The following MSRA variants were observed in gnomAD, a reference collection of about 807,000 sequenced individuals.
MSRA encodes methionine sulfoxide reductase A.
MSRA carries 54 observed loss-of-function variants against 31.3 expected under a neutral mutation model. That is an observed-to-expected ratio of 1.73 (90% CI 1.39 to 2.17). The LOEUF (loss-of-function observed/expected upper bound fraction) is 2.17. Among genes scored for constraint, MSRA ranks in the 30% most tolerant of loss-of-function variants. The pLI, the probability that MSRA is intolerant of heterozygous loss-of-function variation, is 0.00. For synonymous variants in MSRA, 169 were observed against 116.5 expected, an observed-to-expected ratio of 1.45 and a Z score of -2.90; for missense variants, 507 against 300.9, an observed-to-expected ratio of 1.69 and a Z score of -5.07.
chr8:10,271,211 A>G (rs1049070348), intron 3 of MSRA, among the ~76,000 whole-genome samples: 1 of 152,198 alleles, frequency 6.6e-6, no homozygotes, highest in Non-Finnish European at 1.5e-5. Context: ...TGATACACAG[A>G]TGGCATATAG....
intron 5 of MSRA, among the ~76,000 whole-genome samples, chr8:10,343,470 C>T (rs1267701344): frequency 6.6e-6 from 1 of 152,176 alleles, no homozygotes; most frequent in Non-Finnish European, 1.5e-5. Flanking sequence ...TTGTTTCTGG[C>T]ATATGGTTTT....
In MSRA at chr8:10,129,683, C is replaced by G. The variant is rs1422577401; in HGVS notation, c.142+75025C>G. Among the ~76,000 whole-genome samples the G allele has an allele frequency of 3.9e-5, 6 of 152,122 alleles. No homozygotes were observed. The East Asian group carries it at 7.7e-4, about 20-fold the overall frequency. On this transcript the variant is annotated intron_variant, in intron 1 of 5. Transcript: ENST00000317173. ...GTTCTTACAGGCTTAGGTTTTCTCT[C>G]TTTATTCCTCCATCCTTGAGCCCCT...
intron 2 of MSRA, among the ~76,000 whole-genome samples, chr8:10,237,613 A>G (rs527957219): frequency 6.6e-6 from 1 of 152,344 alleles, no homozygotes; most frequent in African/African-American, 2.4e-5. Flanking sequence ...GACTTACTCT[A>G]CTAGGTATTT....
intron 5 of MSRA, chr8:10,337,768 A>C: frequency 1.4e-6 from 1 of 702,502 alleles, no homozygotes. Flanking sequence ...CCTCTGCTCA[A>C]CTCGCCTGGG....
At chr8:10,252,047 G>A (rs1285352402) in intron 3 of MSRA, among the ~76,000 whole-genome samples, 1 of 152,174 alleles carries the variant, frequency 6.6e-6, no homozygotes, top group Non-Finnish European at 1.5e-5. Flanking sequence ...TGCTTGGAGA[G>A]GCCATTCACA....
In MSRA at chr8:10,428,861, T is replaced by A. The variant is rs898357727; in HGVS notation, c.*549T>A. 1 of 152,922 alleles carries A rather than the reference T, an allele frequency of 6.5e-6. No homozygotes were observed. The highest frequency in any genetic ancestry group is 1.9e-4 in the East Asian group (1 of 5,208). 9.5% of individuals were successfully genotyped at this position (152,922 alleles called of 1,614,324 possible). ...CTTAGAGCTATGAGAAATGTTTGTTTTAATAAAAACCTACAGTCCAATAAT... is the reference window on the plus strand; with the variant it reads ...CTTAGAGCTATGAGAAATGTTTGTTATAATAAAAACCTACAGTCCAATAAT... On this transcript the variant is annotated 3_prime_UTR_variant, in exon 6 of 6. Transcript: ENST00000317173.
At chr8:10,407,131 C>T (rs1246324999) in intron 5 of MSRA, among the ~76,000 whole-genome samples, 2 of 152,244 alleles carry the variant, frequency 1.3e-5, no homozygotes, top group Admixed American at 6.5e-5. Context: ...CCCGCCTCGG[C>T]CTTCTAAAGT....
In MSRA at chr8:10,366,084, A is replaced by G. The variant is rs186425503; in HGVS notation, c.543+46095A>G. On this transcript the variant is annotated intron_variant, in intron 5 of 5. Coordinates refer to ENST00000317173, the MANE Select transcript of MSRA (RefSeq NM_012331.5). ...GACTGGGGACACCTGGGGGCCTGTG[A>G]TGTTTACTGGTCTTGTGGCCTGTCG... Among the ~76,000 whole-genome samples the G allele has an allele frequency of 5.3e-5, 8 of 152,282 alleles. No individual in the cohort carries two copies. In the East Asian group the frequency reaches 1.4e-3, roughly 26 times the overall value.
At chr8:10,419,101 T>C (rs576207637) in intron 5 of MSRA, among the ~76,000 whole-genome samples, 1 of 152,298 alleles carries the variant, frequency 6.6e-6, no homozygotes, top group African/African-American at 2.4e-5. Context: ...CACAGGTTCA[T>C]AGGCATCAGC....
At chr8:10,383,824 A>G (rs1362613340) in intron 5 of MSRA, among the ~76,000 whole-genome samples, 1 of 152,010 alleles carries the variant, frequency 6.6e-6, no homozygotes, top group Non-Finnish European at 1.5e-5. Context: ...CATTTTGGGG[A>G]CTTCTGCTTC....
chr8:10,147,107 G>T (rs1367289416), intron 1 of MSRA, among the ~76,000 whole-genome samples: 2 of 152,162 alleles, frequency 1.3e-5, no homozygotes, highest in Non-Finnish European at 2.9e-5. Flanking sequence ...AAGGGACACA[G>T]AGAGCAGAAT....
chr8:10,262,224 C>A (rs1798521112), intron 3 of MSRA, among the ~76,000 whole-genome samples: 3 of 152,190 alleles, frequency 2.0e-5, no homozygotes, highest in African/African-American at 7.2e-5. Flanking sequence ...AAGTTTTTAA[C>A]TCATTTGGAC....
At chr8:10,328,779 A>G (rs944284115) in intron 5 of MSRA, among the ~76,000 whole-genome samples, 3 of 152,222 alleles carry the variant, frequency 2.0e-5, no homozygotes, top group African/African-American at 7.2e-5. Flanking sequence ...AGAACTTTCC[A>G]GAGAACTGGG....
At chr8:10,289,516 C>T (rs1418544082) in intron 3 of MSRA, among the ~76,000 whole-genome samples, 3 of 152,126 alleles carry the variant, frequency 2.0e-5, no homozygotes, top group Non-Finnish European at 4.4e-5. Flanking sequence ...GTGTTACAGA[C>T]AATCCATTTA....
chr8:10,391,864 C>T (rs1204761893), intron 5 of MSRA, among the ~76,000 whole-genome samples: 1 of 152,144 alleles, frequency 6.6e-6, no homozygotes, highest in Non-Finnish European at 1.5e-5. Flanking sequence ...ATTTCACTTC[C>T]TAGGGACGTT....
intron 5 of MSRA, among the ~76,000 whole-genome samples, chr8:10,389,287 G>C (rs1331239390): frequency 1.3e-5 from 2 of 152,200 alleles, no homozygotes; most frequent in Admixed American, 1.3e-4. Flanking sequence ...TCCGAATGGA[G>C]GAGTGATAGA....
intron 5 of MSRA, among the ~76,000 whole-genome samples, chr8:10,386,872 T>TAA (rs61367767): frequency 0.059 from 7,794 of 132,834 alleles, 291 homozygotes; most frequent in Admixed American, 0.075. Flanking sequence ...GTGGATTATT[T>TAA]AAAAAAAAAA....
intron 1 of MSRA, among the ~76,000 whole-genome samples, chr8:10,160,565 A>G (rs1804547795): frequency 6.6e-6 from 1 of 151,702 alleles, no homozygotes; most frequent in Non-Finnish European, 1.5e-5. Flanking sequence ...AAACAGTTTT[A>G]TTTTTTCCGT....
At chr8:10,174,418 T>A (rs1241085385) in intron 1 of MSRA, among the ~76,000 whole-genome samples, 2 of 152,088 alleles carry the variant, frequency 1.3e-5, no homozygotes, top group African/African-American at 4.8e-5. Context: ...GTGTTTGGTG[T>A]CACGCAACCA....
Sources: allele counts gnomAD v4.1 joint callset (sites outside exome capture counted in the v4.1 genomes callset), GRCh38; gene constraint gnomAD v4.1.1; transcripts MANE v1.5; gene names NCBI Gene and HGNC (gene_info 2026-07-23, HGNC 2026-07-21).